Variants in OR51B5 observed in about 807,000 individuals in gnomAD.
OR51B5 encodes olfactory receptor 51B5.
For synonymous variants in OR51B5, 186 were observed against 144.8 expected (o/e 1.28, Z -2.04); for missense variants, 456 against 374.6 (o/e 1.22, Z -1.79).
chr11:5,405,374 C>T (rs1191800655), intron 1 of OR51B5, among the ~76,000 whole-genome samples: 1 of 152,070 alleles, frequency 6.6e-6, no homozygotes, highest in Non-Finnish European at 1.5e-5. Flanking sequence ...TAAATTATGT[C>T]AACTAAGCAA....
intron 1 of OR51B5, among the ~76,000 whole-genome samples, chr11:5,372,831 G>C (rs1564925926): frequency 6.6e-6 from 1 of 152,062 alleles, no homozygotes; most frequent in Non-Finnish European, 1.5e-5. Flanking sequence ...TTGAAAATTT[G>C]TATGAAACCA....
chr11:5,401,644 A>G (rs2133741068), intron 1 of OR51B5, among the ~76,000 whole-genome samples: 1 of 152,256 alleles, frequency 6.6e-6, no homozygotes, highest in Middle Eastern at 3.4e-3. Context: ...CCAATAAAAT[A>G]TTTTCACCTA....
intron 1 of OR51B5, among the ~76,000 whole-genome samples, chr11:5,445,778 C>T (rs1048229912): frequency 1.4e-4 from 21 of 151,454 alleles, no homozygotes; most frequent in Non-Finnish European, 2.4e-4. Flanking sequence ...TATTGAACTA[C>T]AAATAATAAT....
At chr11:5,403,931 T>C (rs1159333403) in intron 1 of OR51B5, among the ~76,000 whole-genome samples, 2 of 152,022 alleles carry the variant, frequency 1.3e-5, no homozygotes, top group African/African-American at 4.8e-5. Flanking sequence ...ATGTATTACA[T>C]TGTCTTCAGT....
chr11:5,389,293 A>G (rs1849751586), intron 1 of OR51B5: 2 of 1,082,008 alleles, frequency 1.8e-6, no homozygotes, highest in Admixed American at 1.9e-5. Flanking sequence ...AGATAATACT[A>G]AAGGTGATGA....
chr11:5,398,935 AC>A (rs1361713047), intron 1 of OR51B5, among the ~76,000 whole-genome samples: 2 of 152,124 alleles, frequency 1.3e-5, no homozygotes, highest in Non-Finnish European at 2.9e-5. Flanking sequence ...GTGAGAATGA[AC>A]TAATACAATC....
At chr11:5,498,008 T>C (rs965186181) in intron 1 of OR51B5, among the ~76,000 whole-genome samples, 1 of 152,210 alleles carries the variant, frequency 6.6e-6, no homozygotes, top group African/African-American at 2.4e-5. Context: ...TTACAAACTC[T>C]TAGCATGTGG....
At chr11:5,390,635 G>A (rs924493777) in intron 1 of OR51B5, 17 of 416,000 alleles carry the variant, frequency 4.1e-5, no homozygotes, top group African/African-American at 2.2e-4. Context: ...CTTTATTGAA[G>A]GTCATCATCA....
chr11:5,470,793 T>C (rs757874539), intron 1 of OR51B5, among the ~76,000 whole-genome samples: 9 of 152,150 alleles, frequency 5.9e-5, no homozygotes, highest in Non-Finnish European at 1.0e-4. Context: ...TCCATCTCAC[T>C]TCCAACTGTC....
chr11:5,485,320 A>C (rs981385181), intron 1 of OR51B5, among the ~76,000 whole-genome samples: 1 of 152,234 alleles, frequency 6.6e-6, no homozygotes. Context: ...TCAAGAATTG[A>C]GGCAACGTTC....
chr11:5,388,017 A>G (rs1849727270), intron 1 of OR51B5, among the ~76,000 whole-genome samples: 1 of 152,212 alleles, frequency 6.6e-6, no homozygotes, highest in Non-Finnish European at 1.5e-5. Context: ...AACCACAATT[A>G]CTTTTGCACC....
At chr11:5,444,524 C>A (rs1229420310) in intron 1 of OR51B5, among the ~76,000 whole-genome samples, 2 of 152,138 alleles carry the variant, frequency 1.3e-5, no homozygotes, top group East Asian at 3.9e-4. Context: ...TTAAAGGCTG[C>A]CTGGAATTTT....
intron 1 of OR51B5, chr11:5,389,307 C>T (rs1849751690): frequency 2.4e-6 from 3 of 1,228,816 alleles, no homozygotes; most frequent in Non-Finnish European, 3.5e-6. Context: ...GTGATGATGA[C>T]CATGGTACTG....
At chr11:5,367,509 G>C (rs71488545) in intron 1 of OR51B5, among the ~76,000 whole-genome samples, 34,693 of 152,112 alleles carry the variant, frequency 0.23, 4,237 homozygotes, top group Non-Finnish European at 0.26. Flanking sequence ...TTTCTAAACA[G>C]TCATAGTGCT....
intron 1 of OR51B5, among the ~76,000 whole-genome samples, chr11:5,366,852 A>G (rs1423013568): frequency 1.3e-5 from 2 of 152,192 alleles, no homozygotes; most frequent in Non-Finnish European, 2.9e-5. Flanking sequence ...GTCTCTGTGC[A>G]ATGCAGGACT....
intron 1 of OR51B5, among the ~76,000 whole-genome samples, chr11:5,460,259 G>T (rs1171809018): frequency 6.6e-6 from 1 of 152,154 alleles, no homozygotes; most frequent in Non-Finnish European, 1.5e-5. Flanking sequence ...GATGTGAAGA[G>T]GGAGAGGATC....
chr11:5,489,714 G>C, intron 1 of OR51B5: 1 of 1,230,880 alleles, frequency 8.1e-7, no homozygotes, highest in Non-Finnish European at 1.2e-6. Context: ...TGGCTGTCTA[G>C]ATACATTTAC....
At chr11:5,372,250 G>A (rs1297824600) in intron 1 of OR51B5, among the ~76,000 whole-genome samples, 1 of 152,144 alleles carries the variant, frequency 6.6e-6, no homozygotes, top group Non-Finnish European at 1.5e-5. Context: ...GATAGCTCTA[G>A]AAAATGCGGA....
intron 1 of OR51B5, among the ~76,000 whole-genome samples, chr11:5,398,033 A>G (rs1384719247): frequency 1.3e-5 from 2 of 152,012 alleles, no homozygotes; most frequent in African/African-American, 4.8e-5. Context: ...GGGGAACATC[A>G]CACACCGGGG....
Sources: gnomAD v4.1 joint callset for allele counts (sites outside exome capture counted in the v4.1 genomes callset) on GRCh38, gnomAD v4.1.1 for gene constraint, MANE v1.5 for transcripts, NCBI Gene and HGNC (gene_info 2026-07-23, HGNC 2026-07-21) for gene names.